Variants in DDI2 observed in about 807,000 individuals in gnomAD.
DDI2 encodes DDI proteasomal shuttling factor 2.
A neutral mutation model predicts 48.1 loss-of-function variants in DDI2; 5 were observed. That is an observed-to-expected ratio of 0.10 (90% CI 0.05 to 0.22). DDI2 has a LOEUF of 0.22. Among genes scored for constraint, DDI2 ranks in the 10% least tolerant of loss-of-function variants. DDI2 has a pLI of 1.00. For synonymous variants in DDI2, 205 were observed against 183.6 expected (o/e 1.12, Z -0.94); for missense variants, 285 against 506.2 (o/e 0.56, Z 4.19).
chr1:15,626,860 A>G (rs2103463085), intron 2 of DDI2, 62 bp downstream of exon 2: 3 of 1,603,242 alleles, frequency 1.9e-6, no homozygotes, highest in African/African-American at 1.3e-5. Context: ...AGAGCATAGC[A>G]CCTCAGAGTT....
At chr1:15,645,280 T>G (rs1640072640) in intron 6 of DDI2, among the ~76,000 whole-genome samples, 1 of 150,616 alleles carries the variant, frequency 6.6e-6, no homozygotes, top group Non-Finnish European at 1.5e-5. Context: ...GGATCTCTTC[T>G]CATATACTGT....
At chr1:15,631,901 G>A (rs1639850825) in intron 3 of DDI2, among the ~76,000 whole-genome samples, 2 of 151,948 alleles carry the variant, frequency 1.3e-5, no homozygotes, top group Non-Finnish European at 2.9e-5. Flanking sequence ...CGCCTCCTGG[G>A]TTCAAGCGAT....
chr1:15,635,756 C>G (rs536394224), intron 4 of DDI2, among the ~76,000 whole-genome samples: 1 of 152,178 alleles, frequency 6.6e-6, no homozygotes, highest in African/African-American at 2.4e-5. Flanking sequence ...AGACTCTCTA[C>G]ATATGGACCC....
At chr1:15,657,246 A>T (rs1640286322) in intron 9 of DDI2, among the ~76,000 whole-genome samples, 1 of 152,192 alleles carries the variant, frequency 6.6e-6, no homozygotes, top group South Asian at 2.1e-4. Flanking sequence ...CTCTGCTTCC[A>T]TTTCCTCTGA....
intron 6 of DDI2, among the ~76,000 whole-genome samples, chr1:15,646,658 G>A (rs1430240047): frequency 1.3e-5 from 2 of 151,896 alleles, no homozygotes; most frequent in African/African-American, 4.8e-5. Context: ...TTTCACTCCA[G>A]CCTGGGCAAT....
intron 3 of DDI2, among the ~76,000 whole-genome samples, chr1:15,633,085 C>T (rs543562832): frequency 6.6e-6 from 1 of 151,610 alleles, no homozygotes. Flanking sequence ...TGCACCACCA[C>T]GCCCAACTAA....
chr1:15,628,060 CT>C (rs879475685), intron 2 of DDI2, among the ~76,000 whole-genome samples: 51 of 147,358 alleles, frequency 3.5e-4, no homozygotes, highest in East Asian at 5.9e-4. Flanking sequence ...GAATTTACTT[CT>C]TTTTTTTTTT....
chr1:15,638,844 T>A (rs1223852560), intron 5 of DDI2, among the ~76,000 whole-genome samples: 4 of 152,190 alleles, frequency 2.6e-5, no homozygotes, highest in Non-Finnish European at 5.9e-5. Flanking sequence ...ACTTACTGTT[T>A]CACTTGCGAG....
chr1:15,617,765 C>T lies in DDI2; in HGVS notation c.95C>T (p.Ala32Val). 6.2e-7 allele frequency: 1 copy of T among 1,609,614 alleles called. No homozygotes were observed. Among genetic ancestry groups the T allele is most frequent in the Non-Finnish European group, 8.5e-7 (1 of 1,178,898 alleles). The change falls in exon 1 of 10, where the codon GCG (alanine) becomes GTG (valine). Residue 32 changes from alanine (A) to valine (V), a missense_variant. Physicochemically the swap from Ala to Val is moderately conservative, Grantham distance 64. This residue lies in a region of DDI2 where 149 missense variants were observed against 236.5 expected (regional missense o/e 0.63). Coordinates refer to ENST00000480945, the MANE Select transcript of DDI2 (RefSeq NM_032341.5). ...GACTTCGAGCTGCACAACTTCCGCG[C>T]GCTGTGCGAGCTCGAGTCTGGCATC... ...DADFELHNFR[A>V]LCELESGIPA...
Position 15,632,933 on chromosome 1 carries a change from A to ATTT in DDI2, c.506-506_506-505insTTT, listed in dbSNP as rs1557614976. 4.1e-3 allele frequency among the ~76,000 whole-genome samples: 258 copies of ATTT among 63,188 alleles called. 1 individual carries two copies. Among genetic ancestry groups the ATTT allele is most frequent in the Non-Finnish European group, 6.8e-3 (212 of 31,284 alleles). 41.5% of individuals were successfully genotyped at this position (63,188 alleles called of 152,430 possible). On this transcript the variant is annotated intron_variant, in intron 3 of 9. Coordinates refer to ENST00000480945, the MANE Select transcript of DDI2 (RefSeq NM_032341.5). ...AATACTTTTTTTTTTTTTTTTTTTA[A>ATTT]AAAAAAAAAAACAGGGTCTCACCAT...
chr1:15,649,363 A>G (rs142930036), intron 6 of DDI2, among the ~76,000 whole-genome samples: 130 of 146,952 alleles, frequency 8.8e-4, no homozygotes, highest in African/African-American at 3.1e-3. Flanking sequence ...CTCTGTCTCA[A>G]AAAATAATAA....
intron 3 of DDI2, among the ~76,000 whole-genome samples, chr1:15,631,884 C>T (rs1235269556): frequency 6.6e-6 from 1 of 151,894 alleles, no homozygotes; most frequent in East Asian, 1.9e-4. Flanking sequence ...CTGCTCACTG[C>T]AACCTTCGCC....
rs779979980 is a variant in DDI2 at position 15,661,398 on chromosome 1, A to C, written c.*1608A>C. ...ATGCACTCAATCAGACTTCTGAGCA[A>C]ACTAAGTCTTTGTCATCCAATTTCA... On this transcript the variant is annotated 3_prime_UTR_variant, in exon 10 of 10. Transcript: ENST00000480945. 5.6e-6 allele frequency: 9 copies of C among 1,614,104 alleles called. No homozygotes were observed. In the East Asian group the frequency reaches 1.8e-4, roughly 32 times the overall value.
In DDI2 at chr1:15,661,349, C is replaced by G; in HGVS notation, c.*1559C>G. 6.2e-7 allele frequency: 1 copy of G among 1,614,038 alleles called. No individual in the cohort carries two copies. Among genetic ancestry groups the G allele is most frequent in the Non-Finnish European group, 8.5e-7 (1 of 1,179,984 alleles). Reference sequence around the variant, plus strand: ...TGCACCTTAGGTGTAGAAATTTCACCCAAACTTTTAGCAGGTGAGGAGGAT... The same window carrying G: ...TGCACCTTAGGTGTAGAAATTTCACGCAAACTTTTAGCAGGTGAGGAGGAT... On this transcript the variant is annotated 3_prime_UTR_variant, in exon 10 of 10. Transcript: ENST00000480945.
intron 1 of DDI2, among the ~76,000 whole-genome samples, chr1:15,624,491 G>A (rs1639721153): frequency 6.6e-6 from 1 of 152,094 alleles, no homozygotes; most frequent in Admixed American, 6.6e-5. Flanking sequence ...TTAAGAGACA[G>A]GGTCTTACTC....
At chr1:15,631,094 C>G (rs1317951798) in intron 3 of DDI2, among the ~76,000 whole-genome samples, 1 of 152,156 alleles carries the variant, frequency 6.6e-6, no homozygotes, top group East Asian at 1.9e-4. Flanking sequence ...CCGCCTGCCT[C>G]GGCCTCCCAA....
rs747494565 is a variant in DDI2, at chr1:15,660,744, A to G, written c.*954A>G. 6 of 1,613,722 alleles carry G rather than the reference A, an allele frequency of 3.7e-6. No homozygotes were observed. The highest frequency in any genetic ancestry group is 5.1e-6 in the Non-Finnish European group (6 of 1,179,944). ...ATCCCTTGATGGAAGTAGAAACATC[A>G]AAATGTAACCCTTCATCTGAAATTT... On this transcript the variant is annotated 3_prime_UTR_variant, in exon 10 of 10. Transcript: ENST00000480945.
At chr1:15,618,232 G>A (rs545788416) in intron 1 of DDI2, among the ~76,000 whole-genome samples, 60 of 150,172 alleles carry the variant, frequency 4.0e-4, no homozygotes, top group African/African-American at 1.1e-3. Context: ...GATCACTGTG[G>A]TAGATAGATG....
chr1:15,621,972 T>C (rs1425721123), intron 1 of DDI2, among the ~76,000 whole-genome samples: 3 of 152,260 alleles, frequency 2.0e-5, no homozygotes, highest in African/African-American at 7.2e-5. Context: ...TATATGTAGA[T>C]AACTTGGTAG....
Sources: allele counts gnomAD v4.1 joint callset (sites outside exome capture counted in the v4.1 genomes callset), GRCh38; gene constraint gnomAD v4.1.1; regional missense constraint gnomAD v4.1.1; transcripts MANE v1.5; gene names NCBI Gene and HGNC (gene_info 2026-07-23, HGNC 2026-07-21).